Variants in RARB observed in about 807,000 individuals in gnomAD.
The protein encoded by RARB is retinoic acid receptor beta.
A neutral mutation model predicts 51.9 loss-of-function variants in RARB; 17 were observed. The observed-to-expected ratio is 0.33, with a 90% CI of 0.22 to 0.49. The LOEUF (loss-of-function observed/expected upper bound fraction) is 0.49, where lower values mean the gene tolerates loss of function less well. Ranked by LOEUF, RARB falls within the 20% of genes least tolerant of loss-of-function variation. The pLI is 0.99. For synonymous variants in RARB, 215 were observed against 195.4 expected (o/e 1.10, Z -0.84); for missense variants, 369 against 550.8 (o/e 0.67, Z 3.30).
At chr3:24,985,341 GTTTT>G (rs1696764903) in intron 2 of RARB, among the ~76,000 whole-genome samples, 1 of 142,864 alleles carries the variant, frequency 7.0e-6, no homozygotes, top group Non-Finnish European at 1.5e-5. Context: ...TTGCCTCATG[GTTTT>G]TTTGTTTTTT....
At chr3:25,550,572 C>G (rs1013891310) in intron 3 of RARB, among the ~76,000 whole-genome samples, 3 of 152,134 alleles carry the variant, frequency 2.0e-5, no homozygotes, top group African/African-American at 7.2e-5. Context: ...AAAGGCCTCG[C>G]CTTTGAATAC....
intron 2 of RARB, among the ~76,000 whole-genome samples, chr3:24,919,920 G>C (rs1169256295): frequency 2.6e-5 from 4 of 152,174 alleles, no homozygotes; most frequent in African/African-American, 9.7e-5. Flanking sequence ...AAATGAAGGT[G>C]TGTGGTCTCT....
chr3:25,479,273 T>C (rs1696113779), intron 2 of RARB, among the ~76,000 whole-genome samples: 1 of 152,138 alleles, frequency 6.6e-6, no homozygotes, highest in South Asian at 2.1e-4. Context: ...GAATCTGTCA[T>C]GGTGTGTTCA....
chr3:25,452,841 C>G (rs150644757), intron 1 of RARB, among the ~76,000 whole-genome samples: 205 of 152,214 alleles, frequency 1.3e-3, no homozygotes, highest in African/African-American at 4.6e-3. Context: ...TTTGCATGGT[C>G]CCTAACACAG....
intron 2 of RARB, among the ~76,000 whole-genome samples, chr3:25,038,265 A>G (rs1698039645): frequency 6.6e-6 from 1 of 152,180 alleles, no homozygotes; most frequent in Admixed American, 6.5e-5. Context: ...TCATGTAAAA[A>G]TGAAGTTGTG....
intron 5 of RARB, among the ~76,000 whole-genome samples, chr3:25,205,617 G>A (rs1701520503): frequency 6.6e-6 from 1 of 152,010 alleles, no homozygotes. Flanking sequence ...TGAGGTGATG[G>A]ACTCCCCATT....
At chr3:25,465,439 C>T (rs527352667) in intron 2 of RARB, among the ~76,000 whole-genome samples, 4 of 152,334 alleles carry the variant, frequency 2.6e-5, no homozygotes, top group African/African-American at 9.6e-5. Flanking sequence ...GACTCCCAAA[C>T]AGAGCCTGGT....
intron 5 of RARB, among the ~76,000 whole-genome samples, chr3:25,226,916 A>G (rs530851295): frequency 2.2e-4 from 34 of 152,340 alleles, no homozygotes; most frequent in African/African-American, 8.2e-4. Context: ...AACATGTCAC[A>G]CTGTAAGAGA....
At chr3:25,441,177 A>G in intron 1 of RARB, 1 of 221,032 alleles carries the variant, frequency 4.5e-6, no homozygotes, top group Non-Finnish European at 9.3e-6. Context: ...GTCTTCTGGC[A>G]TAATTGTTAA....
intron 2 of RARB, among the ~76,000 whole-genome samples, chr3:24,917,930 G>C (rs1408610663): frequency 6.6e-6 from 1 of 152,174 alleles, no homozygotes; most frequent in Non-Finnish European, 1.5e-5. Flanking sequence ...AGGTAATCTG[G>C]AACCCTCATA....
At chr3:25,202,616 G>C (rs1334420358) in intron 5 of RARB, among the ~76,000 whole-genome samples, 1 of 152,182 alleles carries the variant, frequency 6.6e-6, no homozygotes, top group Non-Finnish European at 1.5e-5. Flanking sequence ...ATGTGTCCCA[G>C]AGATTCTGGT....
intron 4 of RARB, among the ~76,000 whole-genome samples, chr3:25,154,443 T>A (rs1700342539): frequency 6.6e-6 from 1 of 152,234 alleles, no homozygotes; most frequent in South Asian, 2.1e-4. Flanking sequence ...TTTGGATTCA[T>A]CATGGCGGAG....
chr3:25,142,010 A>C (rs1216253343), intron 4 of RARB, among the ~76,000 whole-genome samples: 1 of 152,218 alleles, frequency 6.6e-6, no homozygotes, highest in Admixed American at 6.5e-5. Flanking sequence ...GACCAGCAGC[A>C]TCAGTCTCAC....
At chr3:25,140,356 G>C (rs1012037914) in intron 4 of RARB, among the ~76,000 whole-genome samples, 2 of 152,180 alleles carry the variant, frequency 1.3e-5, no homozygotes, top group African/African-American at 4.8e-5. Flanking sequence ...TTTGGAAGAA[G>C]TTGATTCCAG....
chr3:25,230,586 C>G (rs1283920540), intron 5 of RARB, among the ~76,000 whole-genome samples: 1 of 151,856 alleles, frequency 6.6e-6, no homozygotes, highest in South Asian at 2.1e-4. Flanking sequence ...TAATATTTAT[C>G]TAGTATTCAC....
At chr3:25,022,924 A>T (rs1366212487) in intron 2 of RARB, among the ~76,000 whole-genome samples, 2 of 152,166 alleles carry the variant, frequency 1.3e-5, no homozygotes, top group Non-Finnish European at 2.9e-5. Flanking sequence ...AGAACTAAGG[A>T]GCTTTATATT....
At chr3:25,511,762 C>A (rs1697906930) in intron 3 of RARB, among the ~76,000 whole-genome samples, 1 of 152,184 alleles carries the variant, frequency 6.6e-6, no homozygotes, top group Non-Finnish European at 1.5e-5. Flanking sequence ...GCCTTACTGC[C>A]TGCCGCTAAC....
chr3:25,073,481 A>G (rs941990648), intron 3 of RARB, among the ~76,000 whole-genome samples: 1 of 152,198 alleles, frequency 6.6e-6, no homozygotes, highest in Non-Finnish European at 1.5e-5. Context: ...CAGTTTGAGA[A>G]ACAGTGGGTT....
chr3:25,004,662 T>C (rs1697232228), intron 2 of RARB, among the ~76,000 whole-genome samples: 1 of 152,158 alleles, frequency 6.6e-6, no homozygotes, highest in South Asian at 2.1e-4. Context: ...GCTTATGATA[T>C]TGTCACTTCT....
Sources: gnomAD v4.1 joint callset for allele counts (sites outside exome capture counted in the v4.1 genomes callset) on GRCh38, gnomAD v4.1.1 for gene constraint, MANE v1.5 for transcripts, NCBI Gene and HGNC (gene_info 2026-07-23, HGNC 2026-07-21) for gene names.